Variants in ANKRD6 observed in about 807,000 individuals in gnomAD.
ANKRD6 encodes the protein ankyrin repeat domain-containing protein 6.
A neutral mutation model predicts 82.3 loss-of-function variants in ANKRD6; 56 were observed. The ratio of observed to expected loss-of-function variants is 0.68; its 90% CI spans 0.55 to 0.85. The LOEUF (loss-of-function observed/expected upper bound fraction) is 0.85. Among genes scored for constraint, ANKRD6 ranks in the 40% least tolerant of loss-of-function variants. ANKRD6 has a pLI of 0.00. For synonymous variants in ANKRD6, 347 were observed against 352.1 expected (o/e 0.99, Z 0.16); for missense variants, 852 against 907.6 (o/e 0.94, Z 0.79).
intron 1 of ANKRD6, among the ~76,000 whole-genome samples, chr6:89,467,162 C>A (rs1309085171): frequency 6.6e-6 from 1 of 150,834 alleles, no homozygotes; most frequent in Non-Finnish European, 1.5e-5. Context: ...GGCAACATAG[C>A]GAGACCCTGT....
chr6:89,442,761 C>T (rs751336499), intron 1 of ANKRD6, among the ~76,000 whole-genome samples: 9 of 151,832 alleles, frequency 5.9e-5, no homozygotes, highest in Non-Finnish European at 1.3e-4. Context: ...AATCAGTAGA[C>T]AGAAGTCTCT....
intron 2 of ANKRD6, among the ~76,000 whole-genome samples, chr6:89,593,791 A>T (rs1795341738): frequency 6.6e-6 from 1 of 152,218 alleles, no homozygotes; most frequent in Non-Finnish European, 1.5e-5. Context: ...TGTAGGGGAA[A>T]GCAAAGGAAA....
At chr6:89,492,128 A>G (rs1778090204) in intron 1 of ANKRD6, among the ~76,000 whole-genome samples, 1 of 152,228 alleles carries the variant, frequency 6.6e-6, no homozygotes. Context: ...GGCCTCAGCC[A>G]TGAACCTAGC....
In ANKRD6 at chr6:89,564,863, G is replaced by C. The variant is rs188651217; in HGVS notation, c.-143-1971G>C. The stretch of plus-strand genomic sequence containing the variant: ...GAGTTAACAAATGGGTAGATGACGG[G>C]GGGGAGGGTGTGGCTGTGGAAGGGA... On this transcript the variant is annotated intron_variant, in intron 1 of 15. Coordinates refer to ENST00000339746, the MANE Select transcript of ANKRD6 (RefSeq NM_001242809.2). Among the ~76,000 whole-genome samples the C allele has an allele frequency of 2.7e-3, 406 of 152,230 alleles. 1 individual carries two copies. The highest frequency in any genetic ancestry group is 8.6e-3 in the African/African-American group (358 of 41,534).
chr6:89,624,075 T>C lies in ANKRD6; in HGVS notation c.1218+18T>C. On this transcript the variant is annotated intron_variant, in intron 12 of 15. Transcript: ENST00000339746. ...TGATGCAGGTACCTGCAAAGCAGTG[T>C]CAGGAGAAGGGAACATAGGCCTTCA... 1.3e-6 allele frequency: 2 copies of C among 1,598,940 alleles called. No homozygotes were observed. Among genetic ancestry groups the C allele is most frequent in the Non-Finnish European group, 1.7e-6 (2 of 1,173,084 alleles).
intron 1 of ANKRD6, among the ~76,000 whole-genome samples, chr6:89,495,277 G>T (rs1238840933): frequency 6.6e-6 from 1 of 152,126 alleles, no homozygotes; most frequent in Non-Finnish European, 1.5e-5. Context: ...GAACCAACTG[G>T]CTTTTCTAAG....
intron 5 of ANKRD6, among the ~76,000 whole-genome samples, chr6:89,611,034 C>T (rs569929611): frequency 2.6e-5 from 4 of 151,980 alleles, no homozygotes; most frequent in Admixed American, 1.3e-4. Flanking sequence ...TGAGAACCAG[C>T]GAGCCTGCTA....
At chr6:89,456,649 C>G (rs1188807038) in intron 1 of ANKRD6, among the ~76,000 whole-genome samples, 1 of 152,146 alleles carries the variant, frequency 6.6e-6, no homozygotes, top group Non-Finnish European at 1.5e-5. Context: ...CTTGTTCTGC[C>G]CATAACACTG....
intron 1 of ANKRD6, among the ~76,000 whole-genome samples, chr6:89,462,946 T>G (rs945605407): frequency 1.3e-5 from 2 of 151,272 alleles, no homozygotes; most frequent in Non-Finnish European, 2.9e-5. Context: ...CAGAGCTCGC[T>G]CAAACTCCTG....
chr6:89,613,262 A>G (rs1302669681), intron 6 of ANKRD6, among the ~76,000 whole-genome samples: 1 of 152,120 alleles, frequency 6.6e-6, no homozygotes, highest in Non-Finnish European at 1.5e-5. Context: ...ATAGCTCCAT[A>G]TAGGATATTG....
chr6:89,480,749 G>A (rs1017437011), intron 1 of ANKRD6, among the ~76,000 whole-genome samples: 1 of 151,106 alleles, frequency 6.6e-6, no homozygotes, highest in East Asian at 1.9e-4. Flanking sequence ...ACCAGTCTGG[G>A]CAACATAGTG....
intron 1 of ANKRD6, among the ~76,000 whole-genome samples, chr6:89,531,120 G>T (rs143641579): frequency 2.6e-5 from 4 of 152,356 alleles, no homozygotes; most frequent in Non-Finnish European, 5.9e-5. Flanking sequence ...TCTATGGGAA[G>T]GAGAGGTGGC....
intron 1 of ANKRD6, among the ~76,000 whole-genome samples, chr6:89,538,642 ACT>A (rs1284444887): frequency 2.0e-5 from 3 of 152,128 alleles, no homozygotes; most frequent in Non-Finnish European, 4.4e-5. Flanking sequence ...TAAGGTCAAG[ACT>A]CTATCATGTG....
At chr6:89,465,184 A>G (rs1302678019) in intron 1 of ANKRD6, among the ~76,000 whole-genome samples, 3 of 150,922 alleles carry the variant, frequency 2.0e-5, no homozygotes, top group African/African-American at 4.9e-5. Context: ...CAGTGGAGCA[A>G]TCTCGGCTCA....
At chr6:89,627,861 AC>A (rs1268251121) in intron 14 of ANKRD6, among the ~76,000 whole-genome samples, 165 bp downstream of exon 14, 7 of 152,224 alleles carry the variant, frequency 4.6e-5, no homozygotes, top group African/African-American at 1.7e-4. Context: ...ATAGAAAAGA[AC>A]CTGTAGTTCT....
chr6:89,453,070 T>A (rs1773048532), intron 1 of ANKRD6, among the ~76,000 whole-genome samples: 1 of 152,206 alleles, frequency 6.6e-6, no homozygotes, highest in Non-Finnish European at 1.5e-5. Flanking sequence ...TGGTCAGAAA[T>A]AGAACTTTGC....
intron 1 of ANKRD6, among the ~76,000 whole-genome samples, chr6:89,555,194 C>CT (rs1435612904): frequency 6.7e-6 from 1 of 149,686 alleles, no homozygotes; most frequent in Non-Finnish European, 1.5e-5. Context: ...CGCTTGTCCT[C>CT]TAAGTCTACA....
intron 2 of ANKRD6, among the ~76,000 whole-genome samples, chr6:89,590,619 A>C (rs1412448780): frequency 6.6e-6 from 1 of 152,172 alleles, no homozygotes; most frequent in Non-Finnish European, 1.5e-5. Flanking sequence ...AGAACTTGGG[A>C]GCTGAGCTTC....
intron 1 of ANKRD6, among the ~76,000 whole-genome samples, chr6:89,505,860 G>A (rs1779778499): frequency 6.6e-6 from 1 of 152,220 alleles, no homozygotes; most frequent in African/African-American, 2.4e-5. Context: ...TAAAGGAAAT[G>A]AACCCCAGTA....
Sources: gnomAD v4.1 joint callset for allele counts (sites outside exome capture counted in the v4.1 genomes callset) on GRCh38, gnomAD v4.1.1 for gene constraint, MANE v1.5 for transcripts, NCBI Gene and HGNC (gene_info 2026-07-23, HGNC 2026-07-21) for gene names.